SAMSN1: variants seen among roughly 807,000 people sequenced by gnomAD.
SAMSN1 encodes the protein SAM domain, SH3 domain and nuclear localization signals 1, also known as SAM domain-containing protein SAMSN-1.
In SAMSN1, 31 loss-of-function variants were observed where a neutral mutation model predicts 42.0. That is an observed-to-expected ratio of 0.74 (90% CI 0.55 to 1.00). SAMSN1 has a LOEUF of 1.00. Ranked by LOEUF, SAMSN1 falls within the 50% of genes least tolerant of loss-of-function variation. The probability of loss-of-function intolerance (pLI) is 0.00; values close to 1 mark genes in which losing one functional copy is unlikely to be tolerated. For missense variants in SAMSN1, 464 were observed against 439.4 expected, an observed-to-expected ratio of 1.06 and a Z score of -0.50; for synonymous variants, 178 against 151.9, an observed-to-expected ratio of 1.17 and a Z score of -1.26.
intron 1 of SAMSN1, among the ~76,000 whole-genome samples, chr21:14,529,725 G>C (rs1484259910): frequency 6.6e-6 from 1 of 152,062 alleles, no homozygotes; most frequent in Non-Finnish European, 1.5e-5. Context: ...CCTATAAGCA[G>C]GTTATATTCA....
At chr21:14,486,461 T>G (rs1246931302) in intron 7 of SAMSN1, among the ~76,000 whole-genome samples, 1 of 152,176 alleles carries the variant, frequency 6.6e-6, no homozygotes, top group Non-Finnish European at 1.5e-5. Context: ...GTGTGACTGA[T>G]GCCTTGTCCA....
chr21:14,624,598 A>G (rs1436030872), intron 2 of SAMSN1, among the ~76,000 whole-genome samples: 2 of 152,212 alleles, frequency 1.3e-5, no homozygotes, highest in Non-Finnish European at 2.9e-5. Flanking sequence ...ATCCCTGAAT[A>G]GACCAATCAC....
chr21:14,555,718 A>T (rs1185852948), intron 2 of SAMSN1, among the ~76,000 whole-genome samples: 1 of 152,220 alleles, frequency 6.6e-6, no homozygotes, highest in East Asian at 1.9e-4. Context: ...ACAGGATAAA[A>T]CAGTCGAAGC....
chr21:14,570,502 T>A (rs144114871), intron 2 of SAMSN1, among the ~76,000 whole-genome samples: 173 of 152,322 alleles, frequency 1.1e-3, no homozygotes, highest in African/African-American at 4.1e-3. Flanking sequence ...AAAGGACAGA[T>A]TTGGAATGTG....
chr21:14,554,120 A>T (rs991567769), intron 2 of SAMSN1, among the ~76,000 whole-genome samples: 5 of 152,128 alleles, frequency 3.3e-5, no homozygotes, highest in African/African-American at 1.2e-4. Context: ...ATTTTACTTT[A>T]GCTAGATTTT....
chr21:14,619,895 G>A (rs910732645), intron 2 of SAMSN1, among the ~76,000 whole-genome samples: 18 of 150,926 alleles, frequency 1.2e-4, no homozygotes, highest in South Asian at 8.3e-4. Flanking sequence ...TCCTCTTGGC[G>A]TCTCTGTGTG....
chr21:14,603,595 G>A (rs1353676762), intron 5 of SAMSN1, among the ~76,000 whole-genome samples: 1 of 152,134 alleles, frequency 6.6e-6, no homozygotes, highest in Non-Finnish European at 1.5e-5. Flanking sequence ...TAGAGATTGA[G>A]GCTGGTTAGG....
At chr21:14,617,337 T>C (rs1177673487) in intron 2 of SAMSN1, among the ~76,000 whole-genome samples, 1 of 152,190 alleles carries the variant, frequency 6.6e-6, no homozygotes, top group Non-Finnish European at 1.5e-5. Context: ...TTTTCTGAAA[T>C]TGTTTAGGTC....
At chr21:14,539,286 T>C (rs577286531) in intron 1 of SAMSN1, among the ~76,000 whole-genome samples, 3 of 152,232 alleles carry the variant, frequency 2.0e-5, no homozygotes, top group Non-Finnish European at 4.4e-5. Flanking sequence ...TTGGAAGTTC[T>C]GGCCAGCGCA....
At chr21:14,491,874 C>T (rs888020978) in intron 7 of SAMSN1, among the ~76,000 whole-genome samples, 24 of 152,262 alleles carry the variant, frequency 1.6e-4, no homozygotes, top group Non-Finnish European at 2.6e-4. Context: ...TTCATTATGT[C>T]TAAAACTATT....
intron 7 of SAMSN1, among the ~76,000 whole-genome samples, chr21:14,498,100 G>T (rs1212075887): frequency 6.6e-6 from 1 of 152,100 alleles, no homozygotes; most frequent in African/African-American, 2.4e-5. Flanking sequence ...GTGACATTTC[G>T]CACTAATGGC....
chr21:14,599,028 C>T (rs951485808), intron 6 of SAMSN1, among the ~76,000 whole-genome samples: 4 of 152,102 alleles, frequency 2.6e-5, no homozygotes, highest in African/African-American at 4.8e-5. Flanking sequence ...CAAGACCATA[C>T]CTAAGCCAAG....
intron 1 of SAMSN1, 33 bp downstream of exon 1, chr21:14,546,172 G>T: frequency 1.3e-6 from 2 of 1,561,678 alleles, no homozygotes; most frequent in South Asian, 1.1e-5. Flanking sequence ...TAAATAGTTT[G>T]ATTTTATTTA....
At chr21:14,601,817 T>C (rs1791633646) in intron 6 of SAMSN1, among the ~76,000 whole-genome samples, 1 of 152,222 alleles carries the variant, frequency 6.6e-6, no homozygotes, top group African/African-American at 2.4e-5. Flanking sequence ...ATCAAAATAG[T>C]TTATTATCTT....
chr21:14,616,012 A>G (rs1403561825), exon 3 of SAMSN1: 11 of 588,712 alleles, frequency 1.9e-5, no homozygotes, highest in Non-Finnish European at 3.4e-5. Flanking sequence ...TAAATTAGAA[A>G]CTCCCTGTAA....
At chr21:14,507,050 T>C (rs1987444528) in intron 5 of SAMSN1, among the ~76,000 whole-genome samples, 1 of 152,118 alleles carries the variant, frequency 6.6e-6, no homozygotes, top group African/African-American at 2.4e-5. Context: ...CTCAATATAA[T>C]AAAAGCCATC....
chr21:14,582,359 C>A (rs1389260629), exon 2 of SAMSN1: 2 of 1,549,680 alleles, frequency 1.3e-6, no homozygotes, highest in African/African-American at 2.7e-5. Flanking sequence ...GCTGGATCTA[C>A]CCAGTGATGC....
intron 6 of SAMSN1, among the ~76,000 whole-genome samples, chr21:14,595,915 G>T (rs1013960243): frequency 6.6e-6 from 1 of 152,056 alleles, no homozygotes; most frequent in Non-Finnish European, 1.5e-5. Flanking sequence ...TCTGGGCTGC[G>T]AAATTCCTTT....
rs554528641 is a variant in SAMSN1, at chr21:14,647,005, GAAGAT to G, written c.25-3877_25-3873del. Among the ~76,000 whole-genome samples the G allele has an allele frequency of 1.4e-4, 21 of 152,266 alleles. No individual in the cohort carries two copies. In the East Asian group the frequency reaches 3.3e-3, roughly 24 times the overall value. On this transcript the variant is annotated intron_variant, in intron 1 of 15. Coordinates refer to the SAMSN1 transcript ENST00000647101. The stretch of plus-strand genomic sequence containing the variant: ...CAAAGACAGGAAGGAGAGAAAGAAG[GAAGAT>G]AAGACCATAAAACAACCCGAAAACA...
Sources: allele counts gnomAD v4.1 joint callset (sites outside exome capture counted in the v4.1 genomes callset), GRCh38; gene constraint gnomAD v4.1.1; transcripts MANE v1.5; gene names NCBI Gene and HGNC (gene_info 2026-07-23, HGNC 2026-07-21).